CRACR2A: variants seen among roughly 807,000 people sequenced by gnomAD.
CRACR2A encodes EF-hand calcium-binding domain-containing protein 4B.
In CRACR2A, 79 loss-of-function variants were observed where a neutral mutation model predicts 90.5. The ratio of observed to expected loss-of-function variants is 0.87; its 90% confidence interval spans 0.73 to 1.05. The LOEUF is 1.05. CRACR2A is among the 50% of genes least tolerant of loss of function. The pLI is 0.00. For synonymous variants in CRACR2A, 338 were observed against 356.7 expected, an observed-to-expected ratio of 0.95 and a Z score of 0.59; for missense variants, 823 against 897.2, an observed-to-expected ratio of 0.92 and a Z score of 1.06.
At chr12:3,712,222 C>T (rs1427549385) in intron 3 of CRACR2A, among the ~76,000 whole-genome samples, 2 of 121,398 alleles carry the variant, frequency 1.6e-5, no homozygotes, top group Non-Finnish European at 1.7e-5. Flanking sequence ...GGAAGTTGGC[C>T]ATTTTTTTTT....
chr12:3,743,599 C>T (rs1229115606), intron 1 of CRACR2A, among the ~76,000 whole-genome samples: 1 of 152,220 alleles, frequency 6.6e-6, no homozygotes, highest in African/African-American at 2.4e-5. Context: ...TGAACCCACA[C>T]AAGTTGTTGA....
At chr12:3,724,282 T>C (rs1318409164) in intron 2 of CRACR2A, among the ~76,000 whole-genome samples, 1 of 152,220 alleles carries the variant, frequency 6.6e-6, no homozygotes, top group African/African-American at 2.4e-5. Flanking sequence ...AGAAATGAGA[T>C]TGGTGTGTTC....
intron 2 of CRACR2A, among the ~76,000 whole-genome samples, chr12:3,720,844 G>T (rs1015556748): frequency 2.6e-5 from 4 of 152,222 alleles, no homozygotes; most frequent in African/African-American, 9.7e-5. Flanking sequence ...TTTTTGATCA[G>T]AAGGGATAAA....
At chr12:3,695,873 A>G (rs1276223599) in intron 4 of CRACR2A, among the ~76,000 whole-genome samples, 1 of 152,222 alleles carries the variant, frequency 6.6e-6, no homozygotes, top group Non-Finnish European at 1.5e-5. Flanking sequence ...TCAGTCAGAC[A>G]CTGAGAAGTT....
intron 1 of CRACR2A, among the ~76,000 whole-genome samples, chr12:3,735,637 G>A (rs1244523654): frequency 6.6e-6 from 1 of 152,192 alleles, no homozygotes; most frequent in African/African-American, 2.4e-5. Context: ...GGCATGGAGA[G>A]GTTAAGTGAT....
intron 2 of CRACR2A, chr12:3,725,893 A>T (rs1437607662): frequency 6.6e-6 from 1 of 152,138 alleles, no homozygotes; most frequent in Admixed American, 6.5e-5. Context: ...GCTTTCACTG[A>T]TCACTTTCTC....
At chr12:3,618,859 G>A (rs1377930389) in intron 18 of CRACR2A, among the ~76,000 whole-genome samples, 1 of 152,176 alleles carries the variant, frequency 6.6e-6, no homozygotes, top group East Asian at 1.9e-4. Flanking sequence ...CTGACAAAAA[G>A]GATGAACTCT....
chr12:3,652,674 T>C (rs1394008410), intron 10 of CRACR2A, among the ~76,000 whole-genome samples: 1 of 152,190 alleles, frequency 6.6e-6, no homozygotes, highest in Non-Finnish European at 1.5e-5. Context: ...GGAGTTAACA[T>C]CTATAAAACA....
At chr12:3,645,028 C>T (rs529975800) in intron 11 of CRACR2A, among the ~76,000 whole-genome samples, 7 of 152,336 alleles carry the variant, frequency 4.6e-5, no homozygotes, top group South Asian at 4.1e-4. Context: ...CATGCATGCA[C>T]GCATTCACTC....
chr12:3,659,618 G>C lies in CRACR2A; in HGVS notation c.708C>G (p.Leu236=). 6.2e-7 allele frequency: 1 copy of C among 1,614,164 alleles called. No individual in the cohort carries two copies. Among genetic ancestry groups the C allele is most frequent in the Non-Finnish European group, 8.5e-7 (1 of 1,180,020 alleles). Residue 236 remains leucine (L), a synonymous_variant, in exon 8 of 20, where the codon CTC becomes CTG. Transcript: ENST00000440314. Reference sequence around the variant, plus strand: ...TGATTTGTTGTTCCATCTCCTCATAGAGATGCTGGATTTCTTCATCATAAG... The same window carrying C: ...TGATTTGTTGTTCCATCTCCTCATACAGATGCTGGATTTCTTCATCATAAG... ...IAAYDEEIQH[L]YEEMEQQIKS...
At chr12:3,641,588 T>G (rs1944571694) in intron 13 of CRACR2A, 144 bp downstream of exon 13, 1 of 655,940 alleles carries the variant, frequency 1.5e-6, no homozygotes, top group Admixed American at 2.6e-5. Context: ...GAGGGGCATG[T>G]GTTCCAAGAT....
At chr12:3,718,525 G>A (rs1946111660) in intron 2 of CRACR2A, among the ~76,000 whole-genome samples, 2 of 152,198 alleles carry the variant, frequency 1.3e-5, no homozygotes, top group South Asian at 4.1e-4. Flanking sequence ...TTGAACTGTG[G>A]ACAGTCTAAA....
chr12:3,625,512 C>A (rs1031818995), intron 17 of CRACR2A, among the ~76,000 whole-genome samples: 1 of 150,982 alleles, frequency 6.6e-6, no homozygotes, highest in Admixed American at 6.6e-5. Flanking sequence ...CTAGCACACA[C>A]CAAAATTTAG....
At position 3,633,774 on chromosome 12, in the gene CRACR2A, A is replaced by G. The variant is rs2137332391; in HGVS notation, c.1603-38T>C. 1 of 1,550,642 alleles carries G rather than the reference A, an allele frequency of 6.4e-7. No homozygotes were observed. The highest frequency in any genetic ancestry group is 8.7e-7 in the Non-Finnish European group (1 of 1,146,816). ...CACAATCTGACCAACTGCAGGGAAT[A>G]GTCTTGCCAGCCCCTGCCCCTGCCA... On this transcript the variant is annotated intron_variant, in intron 14 of 19. Coordinates refer to ENST00000440314, the MANE Select transcript of CRACR2A (RefSeq NM_001144958.2). The surrounding 1 kb of genome is among the most constrained non-coding windows in gnomAD (Gnocchi z 4.5).
At chr12:3,744,657 G>A (rs1001489407) in intron 1 of CRACR2A, among the ~76,000 whole-genome samples, 3 of 152,174 alleles carry the variant, frequency 2.0e-5, no homozygotes, top group African/African-American at 7.2e-5. Flanking sequence ...TCACAGAAGT[G>A]CTTTTGATTG....
Position 3,746,265 on chromosome 12 carries a change from C to G in CRACR2A, c.-387+6750G>C, listed in dbSNP as rs187142442. ...ATGTGATGGTATTTGGAGGTGAGGACTTTAGGAGGTGATTAGGTTTAGATG... is the reference window on the plus strand; with the variant it reads ...ATGTGATGGTATTTGGAGGTGAGGAGTTTAGGAGGTGATTAGGTTTAGATG... On this transcript the variant is annotated intron_variant, in intron 1 of 19. Coordinates refer to ENST00000440314, the MANE Select transcript of CRACR2A (RefSeq NM_001144958.2). This position sits in a 1 kb window ranked among gnomAD's most constrained non-coding sequence, Gnocchi z 4.4. 1.7e-4 allele frequency among the ~76,000 whole-genome samples: 26 copies of G among 151,998 alleles called. No homozygotes were observed. The highest frequency in any genetic ancestry group is 3.4e-4 in the Non-Finnish European group (23 of 67,962).
Position 3,638,312 on chromosome 12 carries a change from T to C in CRACR2A, c.1414A>G (p.Ile472Val). ...GGCAGGGGGTCTTCTTCAACGGAGA[T>C]GATTCTGCGGAGCGGCCGGGGGTAC... ...GPYPRPLRRI[I>V]SVEEDPLPQL... The change falls in exon 14 of 20, where the codon ATC becomes GTC. Residue 472 changes from isoleucine (I) to valine (V), a missense_variant. Physicochemically the swap from Ile to Val is conservative, Grantham distance 29 (BLOSUM62 3). Coordinates refer to ENST00000440314, the MANE Select transcript of CRACR2A (RefSeq NM_001144958.2). The C allele has an allele frequency of 3.9e-6, 6 of 1,551,542 alleles. No homozygotes were observed. The highest frequency in any genetic ancestry group is 5.2e-6 in the Non-Finnish European group (6 of 1,146,940).
chr12:3,744,065 A>T (rs968861122), intron 1 of CRACR2A, among the ~76,000 whole-genome samples: 1 of 152,170 alleles, frequency 6.6e-6, no homozygotes. Flanking sequence ...CCAAGAGGGG[A>T]CAGGAAAGCA....
In CRACR2A at chr12:3,720,971, G is replaced by T. The variant is rs189283663; in HGVS notation, c.-117-7654C>A. ...GGATGCAGAACTCACTTTATTACCC[G>T]CCTGTGGCTCAGCCACTTGTTGAAT... On this transcript the variant is annotated intron_variant, in intron 2 of 19. Transcript: ENST00000440314. Among the ~76,000 whole-genome samples, 4 of 152,272 alleles carry T rather than the reference G, an allele frequency of 2.6e-5. No individual in the cohort carries two copies. In the East Asian group the frequency reaches 5.8e-4, roughly 22 times the overall value.
Sources: allele counts gnomAD v4.1 joint callset (sites outside exome capture counted in the v4.1 genomes callset), GRCh38; gene constraint gnomAD v4.1.1; non-coding constraint Gnocchi (gnomAD v3.1); transcripts MANE v1.5; gene names NCBI Gene and HGNC (gene_info 2026-07-23, HGNC 2026-07-21).